JPH3: variants seen among roughly 807,000 people sequenced by gnomAD.
JPH3 encodes junctophilin-3.
In JPH3, 11 loss-of-function variants were observed where a neutral mutation model predicts 59.6. That is an observed-to-expected ratio of 0.18 (90% CI 0.12 to 0.31). JPH3 has a LOEUF of 0.31. Among genes scored for constraint, JPH3 ranks in the 10% least tolerant of loss-of-function variants. The pLI, the probability that JPH3 is intolerant of heterozygous loss-of-function variation, is 1.00. For missense variants in JPH3, 1,202 were observed against 1,105.7 expected (o/e 1.09, Z -1.24); for synonymous variants, 673 against 483.6 (o/e 1.39, Z -5.14).
intron 2 of JPH3, among the ~76,000 whole-genome samples, chr16:87,682,051 C>T (rs571546281): frequency 1.2e-4 from 18 of 152,142 alleles, no homozygotes; most frequent in Non-Finnish European, 2.5e-4. Flanking sequence ...ACCCAAGGGC[C>T]TGGAATCGGA....
At chr16:87,640,668 CA>C (rs1343571694) in intron 1 of JPH3, among the ~76,000 whole-genome samples, 1 of 152,164 alleles carries the variant, frequency 6.6e-6, no homozygotes, top group Non-Finnish European at 1.5e-5. Context: ...GCTGGGATTA[CA>C]AGCATGAGCC....
intron 2 of JPH3, among the ~76,000 whole-genome samples, chr16:87,677,782 C>G (rs532381027): frequency 6.6e-6 from 1 of 152,314 alleles, no homozygotes; most frequent in South Asian, 2.1e-4. Context: ...CACCCACCTA[C>G]GAGTGTGTAC....
rs1035064634 is a variant in JPH3, at chr16:87,697,401, A to C, written c.*741A>C. 4.6e-5 allele frequency: 7 copies of C among 152,292 alleles called. No homozygotes were observed. Among genetic ancestry groups the C allele is most frequent in the African/African-American group, 1.7e-4 (7 of 41,428 alleles). The allele number at this position is 152,292 out of a possible 1,614,324, so 9.4% of individuals were successfully genotyped here. A position where few individuals can be genotyped will look rare whatever the true frequency, so the allele number is the denominator to read the frequency against. Reference sequence around the variant, plus strand: ...GTCCCATTCGGCTGTTTCCCCCACCAGACCCCAGGGAAGCCGGGGCCCACT... The same window carrying C: ...GTCCCATTCGGCTGTTTCCCCCACCCGACCCCAGGGAAGCCGGGGCCCACT... On this transcript the variant is annotated 3_prime_UTR_variant, in exon 5 of 5. Transcript: ENST00000284262.
chr16:87,688,408 G>C (rs538941581), intron 3 of JPH3, among the ~76,000 whole-genome samples: 9 of 152,216 alleles, frequency 5.9e-5, no homozygotes, highest in Non-Finnish European at 5.9e-5. Flanking sequence ...ACAAACGGAG[G>C]GACTATCTGG....
At position 87,689,681 on chromosome 16, in the gene JPH3, T is replaced by C. The variant is rs777895191; in HGVS notation, c.1321T>C (p.Cys441Arg). The C allele has an allele frequency of 9.9e-6, 16 of 1,612,176 alleles. No homozygotes were observed. Among genetic ancestry groups the C allele is most frequent in the Middle Eastern group, 1.6e-4 (1 of 6,084 alleles). The change falls in exon 4 of 5, where the codon TGT becomes CGT. Residue 441 changes from cysteine to arginine, a missense_variant. Transcript: ENST00000284262. Reference sequence around the variant, plus strand: ...CCAGAGGCCGAAGCGTCAGACCTCCTGTGACGACATCGAGGTGCTGTCCAC... The same window carrying C: ...CCAGAGGCCGAAGCGTCAGACCTCCCGTGACGACATCGAGGTGCTGTCCAC... ...EYQRPKRQTS[C>R]DDIEVLSTGT...
At chr16:87,604,605 C>T (rs1331579910) in intron 1 of JPH3, 3 of 1,211,150 alleles carry the variant, frequency 2.5e-6, no homozygotes, top group African/African-American at 1.6e-5. Context: ...TGTGCTTCTG[C>T]CGAGAATAAA....
At chr16:87,643,804 C>T (rs2032037225) in intron 1 of JPH3, among the ~76,000 whole-genome samples, 1 of 152,038 alleles carries the variant, frequency 6.6e-6, no homozygotes, top group African/African-American at 2.4e-5. Context: ...TAGGAAGGTA[C>T]CATGGTCTGT....
intron 1 of JPH3, among the ~76,000 whole-genome samples, chr16:87,639,642 G>T (rs7192813): frequency 8.8e-4 from 84 of 95,556 alleles, no homozygotes; most frequent in South Asian, 4.3e-3. Flanking sequence ...CTGGCCTCCC[G>T]CCTGTCCTCC....
intron 2 of JPH3, among the ~76,000 whole-genome samples, chr16:87,661,640 G>A (rs1200815261): frequency 6.6e-6 from 1 of 152,242 alleles, no homozygotes; most frequent in Admixed American, 6.5e-5. Flanking sequence ...CGGAAGGCCA[G>A]CCATGTCTGC....
At chr16:87,655,436 C>T (rs1173106761) in intron 2 of JPH3, among the ~76,000 whole-genome samples, 2 of 152,192 alleles carry the variant, frequency 1.3e-5, no homozygotes, top group Non-Finnish European at 2.9e-5. Flanking sequence ...CCACTGCAGC[C>T]TCGATCTCCT....
At chr16:87,647,620 A>G (rs2032195463) in intron 2 of JPH3, among the ~76,000 whole-genome samples, 1 of 152,116 alleles carries the variant, frequency 6.6e-6, no homozygotes, top group Non-Finnish European at 1.5e-5. Flanking sequence ...GCATGCGCAC[A>G]ACTGGGGTCT....
chr16:87,643,387 C>G (rs540135984), intron 1 of JPH3, among the ~76,000 whole-genome samples: 4 of 149,648 alleles, frequency 2.7e-5, no homozygotes, highest in African/African-American at 7.4e-5. Context: ...CCCACCCTCC[C>G]TTCTTCTGGG....
intron 2 of JPH3, among the ~76,000 whole-genome samples, chr16:87,680,352 C>CTGCGCCCGGAAGGAAGCGGTG (rs77787319): frequency 0.39 from 59,233 of 150,968 alleles, 11,770 homozygotes; most frequent in Middle Eastern, 0.55. Flanking sequence ...TGTGGAGGGG[C>CTGCGCCCGGAAGGAAGCGGTG]TGCGCCCGGA....
chr16:87,628,232 C>T (rs954327622), intron 1 of JPH3, among the ~76,000 whole-genome samples: 2 of 152,236 alleles, frequency 1.3e-5, no homozygotes, highest in African/African-American at 2.4e-5. Flanking sequence ...ACCTGGGAGA[C>T]GATGGTGCTG....
chr16:87,614,414 G>C (rs1290382490), intron 1 of JPH3, among the ~76,000 whole-genome samples: 1 of 147,874 alleles, frequency 6.8e-6, no homozygotes, highest in African/African-American at 2.5e-5. Context: ...CAAGGATAAA[G>C]GCAGGTCCCT....
chr16:87,652,120 G>A (rs528778209), intron 2 of JPH3, among the ~76,000 whole-genome samples: 2 of 152,224 alleles, frequency 1.3e-5, no homozygotes, highest in African/African-American at 4.8e-5. Context: ...GACTACAGGC[G>A]CCCACCACCG....
intron 1 of JPH3, among the ~76,000 whole-genome samples, chr16:87,622,126 G>T (rs897945569): frequency 3.3e-5 from 5 of 152,142 alleles, no homozygotes; most frequent in African/African-American, 1.2e-4. Flanking sequence ...GGGGTGGAGG[G>T]GATGCCTCAG....
chr16:87,626,535 A>C (rs1215479450), intron 1 of JPH3, among the ~76,000 whole-genome samples: 1 of 152,194 alleles, frequency 6.6e-6, no homozygotes, highest in Non-Finnish European at 1.5e-5. Flanking sequence ...GTTTTCCCCG[A>C]GGTGCCGGCT....
chr16:87,632,881 G>C (rs1221632550), intron 1 of JPH3, among the ~76,000 whole-genome samples: 1 of 151,090 alleles, frequency 6.6e-6, no homozygotes, highest in African/African-American at 2.5e-5. Context: ...CGACAGAGCT[G>C]GACTCTGTCT....
Sources: allele counts gnomAD v4.1 joint callset (sites outside exome capture counted in the v4.1 genomes callset), GRCh38; gene constraint gnomAD v4.1.1; transcripts MANE v1.5; gene names NCBI Gene and HGNC (gene_info 2026-07-23, HGNC 2026-07-21).